Variants in TENM2 observed in about 807,000 individuals in gnomAD.
TENM2 encodes teneurin transmembrane protein 2.
In TENM2, 52 loss-of-function variants were observed where a neutral mutation model predicts 245.2. The observed-to-expected ratio is 0.21, with a 90% CI of 0.17 to 0.27. The LOEUF is 0.27. Among genes scored for constraint, TENM2 ranks in the 10% least tolerant of loss-of-function variants. The pLI is 1.00. For synonymous variants in TENM2, 1,363 were observed against 1,438.9 expected (o/e 0.95, Z 1.19); for missense variants, 3,046 against 3,666.8 (o/e 0.83, Z 4.37).
At chr5:167,690,893 A>G (rs1415812250) in intron 2 of TENM2, among the ~76,000 whole-genome samples, 1 of 151,448 alleles carries the variant, frequency 6.6e-6, no homozygotes, top group Non-Finnish European at 1.5e-5. Context: ...ATATATGTAT[A>G]TATTTGTATA....
At chr5:167,133,266 T>C in the TENM2 span, among the ~76,000 whole-genome samples, 4 of 152,204 alleles carry the variant, frequency 2.6e-5, no homozygotes, top group Admixed American at 1.3e-4. Flanking sequence ...CTCTTACTTT[T>C]ATGATCCGGG....
chr5:167,912,500 A>G (rs1776625056), intron 3 of TENM2, among the ~76,000 whole-genome samples: 1 of 152,214 alleles, frequency 6.6e-6, no homozygotes, highest in Admixed American at 6.5e-5. Flanking sequence ...AGCACATAGT[A>G]GTCACTCAGT....
chr5:167,605,376 A>G (rs1776956931), intron 2 of TENM2, among the ~76,000 whole-genome samples: 1 of 152,180 alleles, frequency 6.6e-6, no homozygotes, highest in South Asian at 2.1e-4. Context: ...TGAACCAGGA[A>G]TAAACATTCG....
chr5:167,572,414 A>C (rs1774330694), intron 2 of TENM2, among the ~76,000 whole-genome samples: 1 of 152,214 alleles, frequency 6.6e-6, no homozygotes, highest in South Asian at 2.1e-4. Flanking sequence ...TGTTTCTAAA[A>C]TGATAATTGT....
chr5:167,100,902 A>C, the TENM2 span, among the ~76,000 whole-genome samples: 1 of 152,224 alleles, frequency 6.6e-6, no homozygotes, highest in Admixed American at 6.5e-5. Context: ...CAAATTCAAC[A>C]TGAGTAGGAA....
At chr5:167,160,234 A>G in the TENM2 span, among the ~76,000 whole-genome samples, 1 of 152,352 alleles carries the variant, frequency 6.6e-6, no homozygotes, top group Non-Finnish European at 1.5e-5. Flanking sequence ...CCCTGTGTTA[A>G]CCTGAATCAG....
intron 2 of TENM2, among the ~76,000 whole-genome samples, chr5:167,680,795 T>A (rs922817295): frequency 6.6e-6 from 1 of 152,204 alleles, no homozygotes; most frequent in Non-Finnish European, 1.5e-5. Context: ...TTGTTTATTT[T>A]GCTAGATCCC....
intron 3 of TENM2, among the ~76,000 whole-genome samples, chr5:167,918,400 G>A (rs899009161): frequency 3.9e-5 from 6 of 152,264 alleles, no homozygotes; most frequent in African/African-American, 9.6e-5. Context: ...TGCTTGCCTC[G>A]TCTGGGAGGA....
At chr5:167,657,903 G>A (rs889200518) in intron 2 of TENM2, among the ~76,000 whole-genome samples, 65 of 152,186 alleles carry the variant, frequency 4.3e-4, no homozygotes, top group African/African-American at 1.5e-3. Flanking sequence ...TAGCTGCAAT[G>A]CACATTAAAA....
At chr5:167,122,338 A>G in the TENM2 span, among the ~76,000 whole-genome samples, 1 of 152,032 alleles carries the variant, frequency 6.6e-6, no homozygotes, top group African/African-American at 2.4e-5. Flanking sequence ...TTCCCTGCAT[A>G]TTTCCTGCTA....
intron 4 of TENM2, among the ~76,000 whole-genome samples, chr5:167,957,585 G>A (rs1414348353): frequency 6.6e-6 from 1 of 151,952 alleles, no homozygotes; most frequent in East Asian, 1.9e-4. Context: ...ATTTTAGATT[G>A]TTCCTGCTTT....
chr5:167,726,599 C>T (rs1760024701), intron 2 of TENM2, among the ~76,000 whole-genome samples: 1 of 152,162 alleles, frequency 6.6e-6, no homozygotes, highest in South Asian at 2.1e-4. Context: ...GCTGGGACTA[C>T]AGGCATGCAC....
the TENM2 span, among the ~76,000 whole-genome samples, chr5:167,167,040 GCTACCTGGATGACTGT>G: frequency 6.6e-6 from 1 of 152,108 alleles, no homozygotes; most frequent in African/African-American, 2.4e-5. Context: ...TCAAGCTGTG[GCTACCTGGATGACTGT>G]CTTACAAAAA....
the TENM2 span, among the ~76,000 whole-genome samples, chr5:167,016,720 T>C: frequency 2.6e-5 from 4 of 151,930 alleles, no homozygotes; most frequent in African/African-American, 9.7e-5. Flanking sequence ...GCTAGTTTGC[T>C]TTTTTTTGTC....
intron 2 of TENM2, among the ~76,000 whole-genome samples, chr5:167,489,061 C>A (rs1363769010): frequency 6.6e-6 from 1 of 152,204 alleles, no homozygotes; most frequent in Admixed American, 6.5e-5. Context: ...GTCGAAGCCA[C>A]CACCATCACT....
chr5:167,909,479 C>T (rs1405479746), intron 3 of TENM2, among the ~76,000 whole-genome samples: 3 of 152,166 alleles, frequency 2.0e-5, no homozygotes, highest in Non-Finnish European at 4.4e-5. Context: ...TAAAATTACT[C>T]AATGAAATCT....
the TENM2 span, among the ~76,000 whole-genome samples, chr5:167,216,829 A>T: frequency 6.6e-6 from 1 of 151,950 alleles, no homozygotes; most frequent in Admixed American, 6.6e-5. Context: ...TGAGAGGCTG[A>T]GGTGGGAGAA....
chr5:167,518,561 C>T (rs758897865), intron 2 of TENM2, among the ~76,000 whole-genome samples: 7 of 152,156 alleles, frequency 4.6e-5, no homozygotes, highest in Admixed American at 6.5e-5. Context: ...GATGTTTTAA[C>T]GACAGTGACT....
intron 4 of TENM2, among the ~76,000 whole-genome samples, chr5:167,992,290 G>T (rs539717989): frequency 1.8e-4 from 27 of 151,878 alleles, no homozygotes; most frequent in African/African-American, 5.6e-4. Context: ...AATATATCTG[G>T]ATTACAGAAA....
Sources: gnomAD v4.1 joint callset for allele counts (sites outside exome capture counted in the v4.1 genomes callset) on GRCh38, gnomAD v4.1.1 for gene constraint, MANE v1.5 for transcripts, NCBI Gene and HGNC (gene_info 2026-07-23, HGNC 2026-07-21) for gene names.